Variants in U2SURP observed in about 807,000 individuals in gnomAD.
U2SURP encodes U2 snRNP-associated SURP motif-containing protein.
U2SURP carries 9 observed loss-of-function variants against 144.9 expected under a neutral mutation model. The ratio of observed to expected loss-of-function variants is 0.06; its 90% CI spans 0.04 to 0.11. The LOEUF (loss-of-function observed/expected upper bound fraction) is 0.11. Ranked by LOEUF, U2SURP falls within the 10% of genes least tolerant of loss-of-function variation. The pLI, the probability that U2SURP is intolerant of heterozygous loss-of-function variation, is 1.00. For synonymous variants in U2SURP, 408 were observed against 396.8 expected (o/e 1.03, Z -0.33); for missense variants, 724 against 1,226.7 (o/e 0.59, Z 6.12).
intron 13 of U2SURP, 40 bp from the exon 14 acceptor site, chr3:143,027,108 TA>T: frequency 3.5e-6 from 5 of 1,429,614 alleles, no homozygotes; most frequent in Non-Finnish European, 4.9e-6. Context: ...TATATAGTGG[TA>T]GGTCTGAATC....
rs1935327131 is a variant in U2SURP at position 143,060,465 on chromosome 3, T to G, written c.*4015T>G. The G allele has an allele frequency of 1.3e-5, 2 of 152,084 alleles. No homozygotes were observed. Among genetic ancestry groups the G allele is most frequent in the African/African-American group, 4.8e-5 (2 of 41,568 alleles). The allele number at this position is 152,084 out of a possible 1,614,324, so 9.4% of individuals were successfully genotyped here. ...ATAGTTTTTCTACATAAAGATTATA[T>G]AGTTGCAAACAAAGGTTGTGAAATT... On this transcript the variant is annotated 3_prime_UTR_variant, in exon 28 of 28. Coordinates refer to ENST00000473835, the MANE Select transcript of U2SURP (RefSeq NM_001080415.2).
rs770370877 is a variant in U2SURP, at chr3:143,034,868, A to C, written c.1854-20A>C. ...AATTTTAAACATTTTATTTTAAAGA[A>C]TGTGTTATTTGAATTTCAGTTTTGA... On this transcript the variant is annotated intron_variant, in intron 18 of 27. Transcript: ENST00000473835. The C allele has an allele frequency of 5.4e-6, 8 of 1,480,032 alleles. No individual in the cohort carries two copies. In the South Asian group the frequency reaches 9.6e-5, roughly 18 times the overall value. The allele number at this position is 1,480,032 out of a possible 1,614,324, so 91.7% of individuals were successfully genotyped here.
At chr3:143,035,682 C>T (rs544175135) in intron 19 of U2SURP, among the ~76,000 whole-genome samples, 107 of 152,210 alleles carry the variant, frequency 7.0e-4, no homozygotes, top group Middle Eastern at 3.4e-3. Flanking sequence ...GTAAGTGTTT[C>T]TGGAATGTGG....
chr3:143,047,199 C>T (rs1464540427), intron 24 of U2SURP, among the ~76,000 whole-genome samples: 10 of 90,006 alleles, frequency 1.1e-4, no homozygotes, highest in East Asian at 3.5e-4. Flanking sequence ...CCCTCCCGGA[C>T]GGGGCGGCCG....
chr3:143,043,877 G>A (rs1002346302), intron 24 of U2SURP, among the ~76,000 whole-genome samples: 4 of 150,626 alleles, frequency 2.7e-5, no homozygotes, highest in East Asian at 2.0e-4. Flanking sequence ...CACGCCATTC[G>A]CCTGCCTCAG....
Position 143,060,338 on chromosome 3 carries a change from C to A in U2SURP, c.*3888C>A, listed in dbSNP as rs1352503785. On this transcript the variant is annotated 3_prime_UTR_variant, in exon 28 of 28. Coordinates refer to ENST00000473835, the MANE Select transcript of U2SURP (RefSeq NM_001080415.2). ...TCAGTTGGGCTAAAATATTCTACAG[C>A]AAGACAATTTCTTTTGGGTGAACTG... The A allele has an allele frequency of 6.6e-6, 1 of 151,960 alleles. No individual in the cohort carries two copies. The highest frequency in any genetic ancestry group is 1.5e-5 in the Non-Finnish European group (1 of 67,886). 9.4% of individuals were successfully genotyped at this position (151,960 alleles called of 1,614,324 possible). A position where few individuals can be genotyped will look rare whatever the true frequency, so the allele number is the denominator to read the frequency against.
rs749716297 is a variant in U2SURP at position 143,008,386 on chromosome 3, C to T, written c.46-2429C>T. 1.9e-4 allele frequency among the ~76,000 whole-genome samples: 29 copies of T among 152,328 alleles called. 1 individual carries two copies. The highest frequency in any genetic ancestry group is 6.8e-3 in the Middle Eastern group (2 of 294). On this transcript the variant is annotated intron_variant, in intron 1 of 27. Transcript: ENST00000473835. ...GCATCAAAGACTACAGAAAGGGTAG[C>T]GCTTTCTTAGTTATTCTTTTGGATG...
chr3:143,058,555 A>G lies in U2SURP; in HGVS notation c.*2105A>G, dbSNP rs915247229. Reference sequence around the variant, plus strand: ...TTCTGTGAAGTTTGTTAATGTACATATTAGATTGTATTGGATTTTTTTTTC... The same window carrying G: ...TTCTGTGAAGTTTGTTAATGTACATGTTAGATTGTATTGGATTTTTTTTTC... On this transcript the variant is annotated 3_prime_UTR_variant, in exon 28 of 28. Transcript: ENST00000473835. 1 of 151,774 alleles carries G rather than the reference A, an allele frequency of 6.6e-6. No homozygotes were observed. The highest frequency in any genetic ancestry group is 2.4e-5 in the African/African-American group (1 of 41,370). The allele number at this position is 151,774 out of a possible 1,614,324, so 9.4% of individuals were successfully genotyped here. A position where few individuals can be genotyped will look rare whatever the true frequency, so the allele number is the denominator to read the frequency against.
Position 143,003,677 on chromosome 3 carries a change from CTTTT to C in U2SURP, c.45+2025_45+2028del, listed in dbSNP as rs60505715. ...TAGCTGCTTTTTATTTATTTTATTT[CTTTT>C]TTTTTTTTTTTTTTTTTTTTGTGAA... is the stretch of plus-strand genomic sequence containing the variant. On this transcript the variant is annotated intron_variant, in intron 1 of 27. Transcript: ENST00000473835. 9.9e-5 allele frequency among the ~76,000 whole-genome samples: 10 copies of C among 101,500 alleles called. No homozygotes were observed. In the East Asian group the frequency reaches 1.5e-3, roughly 15 times the overall value. 66.6% of individuals were successfully genotyped at this position (101,500 alleles called of 152,430 possible).
At chr3:143,021,443 G>A (rs1264955704) in intron 9 of U2SURP, 30 bp from the exon 10 acceptor site, 1 of 1,611,918 alleles carries the variant, frequency 6.2e-7, no homozygotes, top group East Asian at 2.2e-5. Flanking sequence ...TGTTTTGCAG[G>A]TTATAATTCT....
At chr3:143,014,675 G>A (rs10935477) in intron 4 of U2SURP, among the ~76,000 whole-genome samples, 1 of 151,710 alleles carries the variant, frequency 6.6e-6, no homozygotes, top group Non-Finnish European at 1.5e-5. Flanking sequence ...TGTGTGTGTA[G>A]ACACATTGTA....
chr3:143,056,411 A>G lies in U2SURP; in HGVS notation c.3051A>G (p.Pro1017=), dbSNP rs1935155600. The change falls in exon 28 of 28, where the codon CCA becomes CCG. Residue 1017 remains proline, a synonymous_variant. Coordinates refer to ENST00000473835, the MANE Select transcript of U2SURP (RefSeq NM_001080415.2). The part of the protein sequence containing the change: ...GKKSRSQSRS[P]HRSHKKSKKN... ...AGTCCAGATCCCAGTCCAGATCTCCACACAGGTCTCATAAAAAGTCAAAGA... is the reference window on the plus strand; with the variant it reads ...AGTCCAGATCCCAGTCCAGATCTCCGCACAGGTCTCATAAAAAGTCAAAGA... 2 of 1,612,732 alleles carry G rather than the reference A, an allele frequency of 1.2e-6. No individual in the cohort carries two copies. The highest frequency in any genetic ancestry group is 2.7e-5 in the African/African-American group (2 of 74,946).
chr3:143,028,578 A>T lies in U2SURP; in HGVS notation c.1542A>T (p.Gly514=). ...RPPPLNPYLH[G]MSEEQETEAF... is the part of the protein sequence containing the mutation. ...CACCATTAAATCCGTACTTGCATGG[A>T]ATGTCAGAAGAGCAAGAAACAGAAG... The change falls in exon 16 of 28, where the codon GGA becomes GGT. Residue 514 remains glycine, a synonymous_variant. Transcript: ENST00000473835. 6.2e-7 allele frequency: 1 copy of T among 1,602,710 alleles called. No homozygotes were observed. Among genetic ancestry groups the T allele is most frequent in the Admixed American group, 1.8e-5 (1 of 56,760 alleles).
intron 14 of U2SURP, 97 bp from the exon 15 acceptor site, chr3:143,028,243 C>A (rs1324383525): frequency 7.3e-7 from 1 of 1,371,158 alleles, no homozygotes. Flanking sequence ...TTATTTAGAA[C>A]TAAATAGGCA....
intron 1 of U2SURP, among the ~76,000 whole-genome samples, chr3:143,006,016 G>A (rs1410671219): frequency 2.0e-5 from 3 of 152,112 alleles, no homozygotes; most frequent in African/African-American, 7.2e-5. Context: ...GTTTTTGAAA[G>A]CAAGATACAT....
intron 24 of U2SURP, 116 bp downstream of exon 24, chr3:143,043,392 A>G: frequency 9.0e-7 from 1 of 1,110,472 alleles, no homozygotes; most frequent in Non-Finnish European, 1.3e-6. Context: ...CTCTGCTTAG[A>G]ACTCTTCATA....
intron 1 of U2SURP, among the ~76,000 whole-genome samples, chr3:143,004,308 A>G (rs901130386): frequency 6.6e-6 from 1 of 151,188 alleles, no homozygotes; most frequent in African/African-American, 2.4e-5. Context: ...TCTTAATTAT[A>G]AAAAGATTAA....
intron 13 of U2SURP, among the ~76,000 whole-genome samples, chr3:143,025,335 G>A (rs145185777): frequency 1.3e-5 from 2 of 152,194 alleles, no homozygotes; most frequent in African/African-American, 4.8e-5. Context: ...TTGAGTGTGC[G>A]TTTTGCCGAA....
chr3:143,037,363 T>C, intron 21 of U2SURP, 28 bp downstream of exon 21: 1 of 1,602,392 alleles, frequency 6.2e-7, no homozygotes, highest in Non-Finnish European at 8.5e-7. Context: ...ACTGATTAAA[T>C]CTAGCTAATA....
Sources: gnomAD v4.1 joint callset for allele counts (sites outside exome capture counted in the v4.1 genomes callset) on GRCh38, gnomAD v4.1.1 for gene constraint, MANE v1.5 for transcripts, NCBI Gene and HGNC (gene_info 2026-07-23, HGNC 2026-07-21) for gene names.